The following EPHB2 variants were observed in gnomAD, a reference collection of about 807,000 sequenced individuals.
The protein encoded by EPHB2 is ephrin type-B receptor 2.
A neutral mutation model predicts 96.4 loss-of-function variants in EPHB2; 18 were observed. The ratio of observed to expected loss-of-function variants is 0.19; its 90% CI spans 0.13 to 0.28. The LOEUF is 0.28. Ranked by LOEUF, EPHB2 falls within the 10% of genes least tolerant of loss-of-function variation. The pLI is 1.00. For synonymous variants in EPHB2, 506 were observed against 534.1 expected, an observed-to-expected ratio of 0.95 and a Z score of 0.72; for missense variants, 989 against 1,355.4, an observed-to-expected ratio of 0.73 and a Z score of 4.25.
In EPHB2 at chr1:22,720,671, C is replaced by CG. The variant is rs1553158007; in HGVS notation, c.61+9628_61+9629insG. 2.8e-3 allele frequency among the ~76,000 whole-genome samples: 328 copies of CG among 119,230 alleles called. 12 individuals are homozygous for CG. Among genetic ancestry groups the CG allele is most frequent in the African/African-American group, 9.1e-3 (310 of 34,128 alleles). 78.2% of individuals were successfully genotyped at this position (119,230 alleles called of 152,430 possible). A position where few individuals can be genotyped will look rare whatever the true frequency, so the allele number is the denominator to read the frequency against. On this transcript the variant is annotated intron_variant, in intron 1 of 15. Transcript: ENST00000374630. The stretch of plus-strand genomic sequence containing the variant: ...GCCAGAAATCTCATTCCCCCCCCCC[C>CG]CCGCCCCAGCACTTACCCCCGAATT...
At chr1:22,776,924 C>A (rs1644461506) in intron 1 of EPHB2, among the ~76,000 whole-genome samples, 1 of 152,172 alleles carries the variant, frequency 6.6e-6, no homozygotes, top group Admixed American at 6.5e-5. Context: ...GATCCCAGGA[C>A]CAGGACCCAG....
intron 1 of EPHB2, among the ~76,000 whole-genome samples, chr1:22,718,507 TC>T (rs1454223196): frequency 6.1e-5 from 9 of 148,630 alleles, no homozygotes; most frequent in Non-Finnish European, 1.3e-4. Flanking sequence ...TGCCTCAGCC[TC>T]CCTGAGTAGC....
At chr1:22,824,825 C>T (rs1004643732) in intron 3 of EPHB2, among the ~76,000 whole-genome samples, 16 of 152,158 alleles carry the variant, frequency 1.1e-4, no homozygotes, top group Admixed American at 3.9e-4. Flanking sequence ...GGATGGCAGC[C>T]CCGTGAGCAT....
At chr1:22,805,089 C>T (rs1326437104) in intron 3 of EPHB2, among the ~76,000 whole-genome samples, 3 of 151,564 alleles carry the variant, frequency 2.0e-5, no homozygotes, top group African/African-American at 7.3e-5. Flanking sequence ...AGGGCCACAC[C>T]TTGCCCCCTC....
intron 5 of EPHB2, 134 bp downstream of exon 5, chr1:22,865,346 C>A (rs1638437221): frequency 9.5e-7 from 1 of 1,049,786 alleles, no homozygotes; most frequent in South Asian, 1.3e-5. Context: ...TGTGATCGGT[C>A]CACCTGGGAG....
intron 3 of EPHB2, among the ~76,000 whole-genome samples, chr1:22,849,700 A>G (rs960996614): frequency 2.0e-5 from 3 of 152,238 alleles, no homozygotes; most frequent in African/African-American, 7.2e-5. Context: ...GAGCCCTAAA[A>G]GACTCTAAGT....
intron 9 of EPHB2, among the ~76,000 whole-genome samples, chr1:22,904,307 A>AAAT (rs57512809): frequency 3.1e-5 from 3 of 98,062 alleles, no homozygotes; most frequent in African/African-American, 5.4e-5. Context: ...AAAAAAAAAA[A>AAAT]TTAATTAAAA....
chr1:22,905,855 C>T, intron 9 of EPHB2, 132 bp from the exon 10 acceptor site: 1 of 1,411,896 alleles, frequency 7.1e-7, no homozygotes, highest in South Asian at 1.2e-5. Flanking sequence ...AAGTGACCTG[C>T]AGGGAGTTGC....
intron 3 of EPHB2, among the ~76,000 whole-genome samples, chr1:22,791,471 CTTTTTTTTT>C (rs55650452): frequency 1.1e-5 from 1 of 92,888 alleles, no homozygotes; most frequent in East Asian, 7.4e-4. Context: ...TTCTTTCTTT[CTTTTTTTTT>C]TTTTTTTTTT....
At chr1:22,889,687 C>T (rs1639332466) in intron 6 of EPHB2, among the ~76,000 whole-genome samples, 1 of 152,042 alleles carries the variant, frequency 6.6e-6, no homozygotes, top group African/African-American at 2.4e-5. Context: ...GTGGCACTTG[C>T]GCTGAGTCTT....
At chr1:22,832,753 G>A (rs903814091) in intron 3 of EPHB2, among the ~76,000 whole-genome samples, 5 of 152,138 alleles carry the variant, frequency 3.3e-5, no homozygotes, top group African/African-American at 1.2e-4. Flanking sequence ...CATCACAACC[G>A]TTAGGTGCTC....
chr1:22,768,051 G>A (rs1471286763), intron 1 of EPHB2, among the ~76,000 whole-genome samples: 1 of 152,230 alleles, frequency 6.6e-6, no homozygotes, highest in Non-Finnish European at 1.5e-5. Context: ...GGGGTGTTCT[G>A]TCACTGCATC....
At chr1:22,735,091 G>T (rs1212730614) in intron 1 of EPHB2, among the ~76,000 whole-genome samples, 1 of 152,096 alleles carries the variant, frequency 6.6e-6, no homozygotes, top group Non-Finnish European at 1.5e-5. Flanking sequence ...GGCCTGTGGG[G>T]CATGGTGTGG....
rs933280633 is a variant in EPHB2 at position 22,865,056 on chromosome 1, C to A, written c.1147C>A (p.Pro383Thr). The change falls in exon 5 of 16, where the codon CCA becomes ACA. Residue 383 changes from proline to threonine, a missense_variant. Physicochemically the swap from Pro to Thr is conservative, Grantham distance 38 (BLOSUM62 -1). Transcript: ENST00000374630. ...TRCGDNVQYA[P>T]RQLGLTEPRI... ...CTGCGGGGACAATGTACAGTACGCACCACGCCAGCTAGGCCTGACCGAGCC... is the reference window on the plus strand; with the variant it reads ...CTGCGGGGACAATGTACAGTACGCAACACGCCAGCTAGGCCTGACCGAGCC... 1 of 1,614,114 alleles carries A rather than the reference C, an allele frequency of 6.2e-7. No homozygotes were observed. Among genetic ancestry groups the A allele is most frequent in the Non-Finnish European group, 8.5e-7 (1 of 1,180,062 alleles).
chr1:22,741,026 C>T (rs765401217), intron 1 of EPHB2, among the ~76,000 whole-genome samples: 10 of 152,066 alleles, frequency 6.6e-5, no homozygotes, highest in Non-Finnish European at 1.3e-4. Flanking sequence ...ATGTGCCCTG[C>T]TCCCCTCTGC....
intron 1 of EPHB2, among the ~76,000 whole-genome samples, chr1:22,765,631 G>T (rs142324315): frequency 1.3e-5 from 2 of 151,140 alleles, no homozygotes; most frequent in South Asian, 4.2e-4. Context: ...CCCCAGTTCT[G>T]TCTTTCCACC....
intron 4 of EPHB2, 70 bp from the exon 5 acceptor site, chr1:22,864,807 C>T (rs1638409412): frequency 4.0e-6 from 4 of 1,005,788 alleles, no homozygotes; most frequent in Non-Finnish European, 6.0e-6. Flanking sequence ...GAGCAGCGGG[C>T]ACAGAGTGGT....
chr1:22,864,304 C>T (rs1328770815), intron 4 of EPHB2, among the ~76,000 whole-genome samples: 1 of 150,708 alleles, frequency 6.6e-6, no homozygotes, highest in Non-Finnish European at 1.5e-5. Context: ...CCTCGGCCTC[C>T]CAAAGTGCTG....
chr1:22,800,539 C>T (rs1644827220), intron 3 of EPHB2, among the ~76,000 whole-genome samples: 1 of 152,204 alleles, frequency 6.6e-6, no homozygotes, highest in Admixed American at 6.5e-5. Flanking sequence ...GTTGAGTACG[C>T]TCACTGGGTC....
Sources: gnomAD v4.1 joint callset for allele counts (sites outside exome capture counted in the v4.1 genomes callset) on GRCh38, gnomAD v4.1.1 for gene constraint, MANE v1.5 for transcripts, NCBI Gene and HGNC (gene_info 2026-07-23, HGNC 2026-07-21) for gene names.